TRHDE: variants seen among roughly 807,000 people sequenced by gnomAD.
The protein encoded by TRHDE is thyrotropin-releasing hormone-degrading ectoenzyme.
TRHDE carries 72 observed loss-of-function variants against 125.7 expected under a neutral mutation model. That is an observed-to-expected ratio of 0.57 (90% CI 0.47 to 0.70). The LOEUF is 0.70. Among genes scored for constraint, TRHDE ranks in the 30% least tolerant of loss-of-function variants. The pLI, the probability that TRHDE is intolerant of heterozygous loss-of-function variation, is 0.00. For synonymous variants in TRHDE, 509 were observed against 509.1 expected (o/e 1.00, Z 0.00); for missense variants, 1,110 against 1,327.1 (o/e 0.84, Z 2.54).
At chr12:72,593,884 A>T (rs936589855) in intron 12 of TRHDE, among the ~76,000 whole-genome samples, 1 of 152,158 alleles carries the variant, frequency 6.6e-6, no homozygotes, top group Non-Finnish European at 1.5e-5. Flanking sequence ...CATGGTGTAT[A>T]TGTGCCTCAT....
intron 2 of TRHDE, among the ~76,000 whole-genome samples, chr12:72,134,989 G>GT (rs1875948537): frequency 6.6e-6 from 1 of 151,966 alleles, no homozygotes; most frequent in Admixed American, 6.6e-5. Flanking sequence ...TTGGATATAT[G>GT]TGTGAGCTTC....
At chr12:72,338,631 T>C (rs1869940115) in intron 2 of TRHDE, among the ~76,000 whole-genome samples, 1 of 152,204 alleles carries the variant, frequency 6.6e-6, no homozygotes, top group Admixed American at 6.5e-5. Context: ...TAAAGAGGAC[T>C]CAGTGGTTGA....
intron 2 of TRHDE, among the ~76,000 whole-genome samples, chr12:72,131,065 ATTTT>A (rs757285511): frequency 9.6e-4 from 101 of 105,458 alleles, no homozygotes; most frequent in African/African-American, 3.8e-3. Context: ...ACTTAATGTA[ATTTT>A]TTTTTTTTTT....
intron 2 of TRHDE, among the ~76,000 whole-genome samples, chr12:72,369,804 A>AT (rs527893503): frequency 9.9e-4 from 151 of 152,280 alleles, no homozygotes; most frequent in African/African-American, 3.5e-3. Context: ...AGAGGAAGAG[A>AT]TAAAGCCTAG....
chr12:72,643,678 A>G (rs1874161648), intron 15 of TRHDE, among the ~76,000 whole-genome samples: 2 of 152,264 alleles, frequency 1.3e-5, no homozygotes, highest in East Asian at 1.9e-4. Context: ...CTTGCTCTGC[A>G]TATGACCAGC....
chr12:72,329,970 A>G (rs1869510988), intron 2 of TRHDE, among the ~76,000 whole-genome samples: 1 of 152,210 alleles, frequency 6.6e-6, no homozygotes. Flanking sequence ...GACTCCAAAA[A>G]AGATAAATTG....
At chr12:72,270,700 A>G (rs1417217683), upstream of TRHDE, among the ~76,000 whole-genome samples, 1 of 152,204 alleles carries the variant, frequency 6.6e-6, no homozygotes, top group East Asian at 1.9e-4. Flanking sequence ...TTTACTAAAC[A>G]CTGGAGACTC....
At position 72,580,100 on chromosome 12, in the gene TRHDE, T is replaced by C. The variant is rs926279570; in HGVS notation, c.2321+4558T>C. Among the ~76,000 whole-genome samples the C allele has an allele frequency of 2.6e-5, 4 of 152,206 alleles. No individual in the cohort carries two copies. The South Asian group carries it at 8.3e-4, about 31-fold the overall frequency. ...TAAAAAATCACACTACAGTTATGACTAGATATGCATTAGATTTATAAATCA... is the reference window on the plus strand; with the variant it reads ...TAAAAAATCACACTACAGTTATGACCAGATATGCATTAGATTTATAAATCA... On this transcript the variant is annotated intron_variant, in intron 12 of 18. Transcript: ENST00000261180.
chr12:72,404,357 G>A (rs541632728), intron 3 of TRHDE, among the ~76,000 whole-genome samples: 1 of 152,276 alleles, frequency 6.6e-6, no homozygotes, highest in East Asian at 1.9e-4. Flanking sequence ...GCTTGACCTG[G>A]CAGGCAGATG....
In TRHDE at chr12:72,606,344, T is replaced by C. The variant is rs570427751; in HGVS notation, c.2322-12547T>C. On this transcript the variant is annotated intron_variant, in intron 12 of 18. Coordinates refer to ENST00000261180, the MANE Select transcript of TRHDE (RefSeq NM_013381.3). ...AGGGGAAAATGAATGTGCTGGGATCTGTACATGAGTTTATTAGCTCAATGT... is the reference window on the plus strand; with the variant it reads ...AGGGGAAAATGAATGTGCTGGGATCCGTACATGAGTTTATTAGCTCAATGT... 3.9e-5 allele frequency among the ~76,000 whole-genome samples: 6 copies of C among 152,312 alleles called. No homozygotes were observed. In the East Asian group the frequency reaches 1.2e-3, roughly 29 times the overall value.
intron 3 of TRHDE, 133 bp from the exon 4 acceptor site, chr12:72,469,625 T>C: frequency 3.2e-6 from 3 of 943,812 alleles, no homozygotes; most frequent in Non-Finnish European, 4.8e-6. Context: ...GCAAGTAGTT[T>C]AATTTGCCAA....
intron 3 of TRHDE, among the ~76,000 whole-genome samples, chr12:72,422,199 CAA>C (rs1418365057): frequency 6.6e-6 from 1 of 152,004 alleles, no homozygotes; most frequent in African/African-American, 2.4e-5. Context: ...AGAACAGTGA[CAA>C]GAGGAGAAAA....
chr12:72,590,088 T>G (rs1871609011), intron 12 of TRHDE, among the ~76,000 whole-genome samples: 1 of 152,064 alleles, frequency 6.6e-6, no homozygotes, highest in South Asian at 2.1e-4. Context: ...ATCATTCAGT[T>G]TAAAATATTT....
chr12:72,334,966 G>C (rs934678244), intron 2 of TRHDE, among the ~76,000 whole-genome samples: 1 of 152,124 alleles, frequency 6.6e-6, no homozygotes, highest in Non-Finnish European at 1.5e-5. Flanking sequence ...TTTTAAGTTC[G>C]CAGGCAAATG....
intron 2 of TRHDE, among the ~76,000 whole-genome samples, chr12:72,353,002 A>G (rs547150522): frequency 3.4e-4 from 51 of 151,278 alleles, no homozygotes; most frequent in African/African-American, 1.2e-3. Context: ...CTTCTTTTTT[A>G]AAAAAATTAC....
At chr12:72,644,286 G>C (rs1874189250) in intron 15 of TRHDE, among the ~76,000 whole-genome samples, 1 of 151,764 alleles carries the variant, frequency 6.6e-6, no homozygotes, top group African/African-American at 2.4e-5. Context: ...TCTCCCAGGG[G>C]AGAAATGAGG....
intron 2 of TRHDE, among the ~76,000 whole-genome samples, chr12:72,177,631 A>G (rs1479909530): frequency 1.3e-5 from 2 of 152,178 alleles, no homozygotes; most frequent in Non-Finnish European, 2.9e-5. Flanking sequence ...AACTAGGTTT[A>G]TAGAATGTTG....
At chr12:72,519,516 T>C (rs1879066101) in intron 6 of TRHDE, among the ~76,000 whole-genome samples, 1 of 152,190 alleles carries the variant, frequency 6.6e-6, no homozygotes, top group Non-Finnish European at 1.5e-5. Context: ...AGCACTTCTG[T>C]GTATTGGTTA....
chr12:72,315,116 AT>A (rs1171451357), intron 2 of TRHDE, among the ~76,000 whole-genome samples: 1 of 152,164 alleles, frequency 6.6e-6, no homozygotes, highest in African/African-American at 2.4e-5. Context: ...TTAAAATAAT[AT>A]TTTTTGTTCA....
Sources: gnomAD v4.1 joint callset for allele counts (sites outside exome capture counted in the v4.1 genomes callset) on GRCh38, gnomAD v4.1.1 for gene constraint, MANE v1.5 for transcripts, NCBI Gene and HGNC (gene_info 2026-07-23, HGNC 2026-07-21) for gene names.